Variants in BAALC observed in about 807,000 individuals in gnomAD.
The protein encoded by BAALC is BAALC binder of MAP3K1 and KLF4.
In BAALC, 9 loss-of-function variants were observed where a neutral mutation model predicts 15.5. The observed-to-expected ratio is 0.58, with a 90% CI of 0.35 to 1.02. BAALC has a LOEUF of 1.02. BAALC is among the 50% of genes least tolerant of loss of function. The pLI is 0.02. For missense variants in BAALC, 201 were observed against 192.4 expected (o/e 1.04, Z -0.27); for synonymous variants, 80 against 74.6 (o/e 1.07, Z -0.37).
chr8:103,185,805 A>G (rs1162941163), intron 1 of BAALC, among the ~76,000 whole-genome samples: 1 of 152,240 alleles, frequency 6.6e-6, no homozygotes, highest in East Asian at 1.9e-4. Context: ...TCATTAATGA[A>G]ATAGTCACAA....
intron 1 of BAALC, among the ~76,000 whole-genome samples, chr8:103,150,333 CTGTGTGTGTGTG>C (rs34233321): frequency 6.7e-6 from 1 of 149,272 alleles, no homozygotes; most frequent in Non-Finnish European, 1.5e-5. Context: ...AGAAACATGG[CTGTGTGTGTGTG>C]TGTGTGTCTG....
At chr8:103,215,044 C>T (rs1266851058) in intron 2 of BAALC, 1 of 152,236 alleles carries the variant, frequency 6.6e-6, no homozygotes. Flanking sequence ...TAGTCTCCTT[C>T]CCACACTTGT....
At chr8:103,194,997 A>G (rs561671955) in intron 1 of BAALC, among the ~76,000 whole-genome samples, 1 of 152,290 alleles carries the variant, frequency 6.6e-6, no homozygotes, top group South Asian at 2.1e-4. Flanking sequence ...CAAACATTCA[A>G]ATCATACCAC....
intron 2 of BAALC, 114 bp downstream of exon 2, chr8:103,213,199 G>A: frequency 2.5e-6 from 3 of 1,211,852 alleles, no homozygotes; most frequent in Non-Finnish European, 3.3e-6. Context: ...GGCTCATCTT[G>A]GAAAAAAAAA....
intron 2 of BAALC, among the ~76,000 whole-genome samples, chr8:103,224,142 G>T (rs1228751965): frequency 6.6e-6 from 1 of 151,760 alleles, no homozygotes; most frequent in Non-Finnish European, 1.5e-5. Context: ...TGTGTGTTTA[G>T]CAGGCATGGG....
chr8:103,142,103 T>C (rs909432859), intron 1 of BAALC, among the ~76,000 whole-genome samples: 2 of 152,200 alleles, frequency 1.3e-5, no homozygotes, highest in African/African-American at 4.8e-5. Flanking sequence ...AATAATGAAA[T>C]CTAAAATGGA....
intron 1 of BAALC, among the ~76,000 whole-genome samples, chr8:103,143,482 A>G (rs1353011418): frequency 6.6e-6 from 1 of 152,176 alleles, no homozygotes. Context: ...GAGAGTCCAG[A>G]CTGTGAAATC....
At chr8:103,205,722 C>T (rs1239933115) in intron 1 of BAALC, among the ~76,000 whole-genome samples, 1 of 152,128 alleles carries the variant, frequency 6.6e-6, no homozygotes, top group Non-Finnish European at 1.5e-5. Context: ...TTTTAACAGA[C>T]ACCCCAGGTG....
chr8:103,194,891 C>T (rs563695863), intron 1 of BAALC, among the ~76,000 whole-genome samples: 1 of 152,322 alleles, frequency 6.6e-6, no homozygotes, highest in South Asian at 2.1e-4. Flanking sequence ...ATTCATAAGA[C>T]TCTGCCCTTA....
intron 1 of BAALC, among the ~76,000 whole-genome samples, chr8:103,178,584 C>T (rs1002047275): frequency 1.8e-4 from 28 of 152,126 alleles, no homozygotes; most frequent in Non-Finnish European, 7.4e-5. Context: ...TTAGGCTGGG[C>T]ACAGTGACTC....
chr8:103,200,598 G>A (rs1440404583), intron 1 of BAALC: 3 of 570,142 alleles, frequency 5.3e-6, no homozygotes, highest in South Asian at 2.4e-5. Flanking sequence ...CTCTGTTCTG[G>A]CTTAGACTGA....
intron 1 of BAALC, among the ~76,000 whole-genome samples, chr8:103,201,892 G>A (rs1304193010): frequency 6.6e-6 from 1 of 152,234 alleles, no homozygotes; most frequent in African/African-American, 2.4e-5. Context: ...TGAGGAGGAA[G>A]CAGATGAAGG....
At chr8:103,149,860 C>G (rs1810947422) in intron 1 of BAALC, among the ~76,000 whole-genome samples, 1 of 152,170 alleles carries the variant, frequency 6.6e-6, no homozygotes, top group South Asian at 2.1e-4. Flanking sequence ...ATGTTTCCCT[C>G]TTACCTCCCC....
chr8:103,147,269 A>T (rs1810896541), intron 1 of BAALC, among the ~76,000 whole-genome samples: 1 of 152,230 alleles, frequency 6.6e-6, no homozygotes, highest in Non-Finnish European at 1.5e-5. Context: ...TGCAGGGTGT[A>T]GTAGTATCCT....
At chr8:103,165,468 C>T (rs1216368063) in intron 1 of BAALC, 1 of 152,136 alleles carries the variant, frequency 6.6e-6, no homozygotes, top group African/African-American at 2.4e-5. Flanking sequence ...GGAAAAGCTA[C>T]AAAGAAATTA....
chr8:103,220,290 G>A lies in BAALC; in HGVS notation c.327+7205G>A, dbSNP rs75864438. 7.2e-3 allele frequency among the ~76,000 whole-genome samples: 1,092 copies of A among 152,298 alleles called. 10 individuals are homozygous for A. Among genetic ancestry groups the A allele is most frequent in the African/African-American group, 0.024 (1,016 of 41,560 alleles). ...TGAGTGGTTTCAGCTGCCTCATTGG[G>A]AAAGCGAATACAATAACATTCCCAC... On this transcript the variant is annotated intron_variant, in intron 2 of 2. Coordinates refer to ENST00000309982, the MANE Select transcript of BAALC (RefSeq NM_024812.3).
At chr8:103,191,669 CT>C (rs1309284597) in intron 1 of BAALC, among the ~76,000 whole-genome samples, 3 of 151,986 alleles carry the variant, frequency 2.0e-5, no homozygotes, top group African/African-American at 7.3e-5. Flanking sequence ...AGGTTACGGA[CT>C]TTACGGATGA....
chr8:103,215,905 A>ATCATGCAGATGAAG (rs1171813091), intron 2 of BAALC, among the ~76,000 whole-genome samples: 2 of 152,258 alleles, frequency 1.3e-5, no homozygotes, highest in Non-Finnish European at 2.9e-5. Flanking sequence ...CCATGTAACC[A>ATCATGCAGATGAAG]TCATGCAGAT....
rs1810762721 is a variant in BAALC, at chr8:103,141,076, G to C, written c.160+19G>C. ...CACTCGGGTAAGTGGCCGGGCCCCT[G>C]CAGACCCTCGCCCGCCCGCTACCCC... On this transcript the variant is annotated intron_variant, in intron 1 of 2. Coordinates refer to ENST00000309982, the MANE Select transcript of BAALC (RefSeq NM_024812.3). The C allele has an allele frequency of 7.0e-7, 1 of 1,437,304 alleles. No individual in the cohort carries two copies. Among genetic ancestry groups the C allele is most frequent in the African/African-American group, 1.5e-5 (1 of 66,440 alleles). 89.0% of individuals were successfully genotyped at this position (1,437,304 alleles called of 1,614,324 possible). A position where few individuals can be genotyped will look rare whatever the true frequency, so the allele number is the denominator to read the frequency against.
Sources: allele counts gnomAD v4.1 joint callset (sites outside exome capture counted in the v4.1 genomes callset), GRCh38; gene constraint gnomAD v4.1.1; transcripts MANE v1.5; gene names NCBI Gene and HGNC (gene_info 2026-07-23, HGNC 2026-07-21).